TAOK1: variants seen among roughly 807,000 people sequenced by gnomAD.
TAOK1 encodes TAO kinase 1, also known as serine/threonine-protein kinase TAO1.
Under a neutral mutation model 138.3 loss-of-function variants are expected in TAOK1, and 21 were observed. The observed-to-expected ratio is 0.15, with a 90% CI of 0.11 to 0.22. The LOEUF is 0.22. Ranked by LOEUF, TAOK1 falls within the 10% of genes least tolerant of loss-of-function variation. The pLI is 1.00. For synonymous variants in TAOK1, 361 were observed against 398.4 expected, an observed-to-expected ratio of 0.91 and a Z score of 1.12; for missense variants, 651 against 1,227.7, an observed-to-expected ratio of 0.53 and a Z score of 7.02.
intron 1 of TAOK1, among the ~76,000 whole-genome samples, chr17:29,414,853 C>T (rs977769728): frequency 6.6e-6 from 1 of 152,194 alleles, no homozygotes; most frequent in Non-Finnish European, 1.5e-5. Context: ...GCCACCGCAC[C>T]CTGCCTACTT....
chr17:29,411,212 C>T (rs1167714090), intron 1 of TAOK1, among the ~76,000 whole-genome samples: 1 of 149,102 alleles, frequency 6.7e-6, no homozygotes, highest in East Asian at 2.0e-4. Context: ...CTGCCTCAGC[C>T]TCCCAAGTAG....
At chr17:29,473,051 T>C (rs1340369222) in intron 3 of TAOK1, among the ~76,000 whole-genome samples, 1 of 152,232 alleles carries the variant, frequency 6.6e-6, no homozygotes, top group Non-Finnish European at 1.5e-5. Context: ...GAAAGGAATC[T>C]TTCTGAGCAG....
intron 18 of TAOK1, among the ~76,000 whole-genome samples, chr17:29,532,620 T>A (rs1400881511): frequency 6.6e-6 from 1 of 152,172 alleles, no homozygotes; most frequent in Admixed American, 6.5e-5. Context: ...CATTTAACCC[T>A]GAGTGGACAC....
intron 13 of TAOK1, among the ~76,000 whole-genome samples, chr17:29,505,242 C>T (rs932232646): frequency 6.6e-6 from 1 of 151,998 alleles, no homozygotes; most frequent in African/African-American, 2.4e-5. Flanking sequence ...TTTTTTCATA[C>T]AATAAAATGC....
chr17:29,402,335 C>G (rs1904872700), intron 1 of TAOK1, among the ~76,000 whole-genome samples: 1 of 152,152 alleles, frequency 6.6e-6, no homozygotes, highest in Admixed American at 6.6e-5. Context: ...CGGTCTCAGT[C>G]CCCTTCCCTA....
intron 1 of TAOK1, among the ~76,000 whole-genome samples, chr17:29,435,692 C>T (rs531463151): frequency 2.6e-5 from 4 of 152,302 alleles, no homozygotes; most frequent in South Asian, 4.1e-4. Context: ...TCTGCAAGTT[C>T]GACTTCGAGC....
chr17:29,478,421 CTA>C (rs1829746278), intron 6 of TAOK1, 74 bp downstream of exon 6: 1 of 1,099,258 alleles, frequency 9.1e-7, no homozygotes, highest in African/African-American at 1.6e-5. Context: ...TTTATTAACT[CTA>C]AAGTTTTTAT....
intron 1 of TAOK1, among the ~76,000 whole-genome samples, chr17:29,398,057 C>T (rs939981694): frequency 5.3e-5 from 8 of 151,808 alleles, no homozygotes; most frequent in African/African-American, 1.7e-4. Context: ...TTTCGAGAAA[C>T]GGGGTCTCTA....
At chr17:29,497,945 A>G (rs996541066) in intron 11 of TAOK1, among the ~76,000 whole-genome samples, 1 of 152,142 alleles carries the variant, frequency 6.6e-6, no homozygotes, top group African/African-American at 2.4e-5. Context: ...ATTTGTATTA[A>G]CCAAGAATTA....
chr17:29,396,218 T>C (rs564617492), intron 1 of TAOK1, among the ~76,000 whole-genome samples: 2 of 152,310 alleles, frequency 1.3e-5, no homozygotes, highest in East Asian at 3.9e-4. Context: ...TGTCATCATA[T>C]GGTAACAGTT....
rs1298157487 is a variant in TAOK1, at chr17:29,497,500, C to T, written c.1000-818C>T. Among the ~76,000 whole-genome samples the T allele has an allele frequency of 3.9e-5, 6 of 152,060 alleles. No homozygotes were observed. In the East Asian group the frequency reaches 9.6e-4, roughly 24 times the overall value. ...ATGTGTCTGTGTTTATTAAATTCTG[C>T]ATATCTTAAAGAATTCTGGTATGGT... On this transcript the variant is annotated intron_variant, in intron 11 of 19. Coordinates refer to ENST00000261716, the MANE Select transcript of TAOK1 (RefSeq NM_020791.4).
chr17:29,433,291 C>T (rs1300367538), intron 1 of TAOK1, among the ~76,000 whole-genome samples: 2 of 151,752 alleles, frequency 1.3e-5, no homozygotes, highest in Admixed American at 6.6e-5. Context: ...ATTAGCTGGA[C>T]GTGGTGGCGG....
chr17:29,526,400 AC>A (rs1210250035), intron 17 of TAOK1, among the ~76,000 whole-genome samples: 2 of 151,684 alleles, frequency 1.3e-5, no homozygotes, highest in African/African-American at 4.8e-5. Flanking sequence ...ACTTGGAACA[AC>A]TTTGTTAACC....
chr17:29,404,229 C>T (rs1276520116), intron 1 of TAOK1: 1 of 152,194 alleles, frequency 6.6e-6, no homozygotes, highest in Non-Finnish European at 1.5e-5. Context: ...GTGGTAGGAT[C>T]ACAGCTCACT....
chr17:29,447,038 C>CTTTT (rs879753236), intron 1 of TAOK1, among the ~76,000 whole-genome samples: 2 of 131,536 alleles, frequency 1.5e-5, no homozygotes. Context: ...CTGTGGCTGG[C>CTTTT]TTTTTTTTTT....
chr17:29,459,944 C>T (rs1004043635), intron 2 of TAOK1, among the ~76,000 whole-genome samples: 1 of 152,116 alleles, frequency 6.6e-6, no homozygotes, highest in Non-Finnish European at 1.5e-5. Context: ...TTCATATATC[C>T]TTCTGTAAAG....
chr17:29,411,281 C>T (rs1253660887), intron 1 of TAOK1, among the ~76,000 whole-genome samples: 2 of 150,366 alleles, frequency 1.3e-5, no homozygotes, highest in African/African-American at 4.9e-5. Flanking sequence ...TTAGTAGAGA[C>T]GGGGTTTCAC....
In TAOK1 at chr17:29,522,441, G is replaced by A. The variant is rs778234216; in HGVS notation, c.2070G>A (p.Leu690=). The A allele has an allele frequency of 1.9e-6, 3 of 1,614,020 alleles. No homozygotes were observed. The highest frequency in any genetic ancestry group is 2.2e-5 in the South Asian group (2 of 91,088). The stretch of plus-strand genomic sequence containing the variant: ...ATCAAACTGAGCTCACTAACCAGCT[G>A]GAATATAATAAGCGAAGAGAACGAG... ...LQHQTELTNQ[L]EYNKRREREL... Residue 690 remains leucine (L), a synonymous_variant, in exon 17 of 20, where the codon CTG becomes CTA. Coordinates refer to ENST00000261716, the MANE Select transcript of TAOK1 (RefSeq NM_020791.4).
At chr17:29,504,110 CAA>C (rs35382020) in intron 13 of TAOK1, among the ~76,000 whole-genome samples, 8 of 126,860 alleles carry the variant, frequency 6.3e-5, no homozygotes, top group Non-Finnish European at 4.9e-5. Context: ...GACCCTATCT[CAA>C]AAAAAAAAAA....
Sources: allele counts gnomAD v4.1 joint callset (sites outside exome capture counted in the v4.1 genomes callset), GRCh38; gene constraint gnomAD v4.1.1; transcripts MANE v1.5; gene names NCBI Gene and HGNC (gene_info 2026-07-23, HGNC 2026-07-21).